The following GPC5 variants were observed in gnomAD, a reference collection of about 807,000 sequenced individuals.
GPC5 encodes the protein glypican 5.
A neutral mutation model predicts 53.9 loss-of-function variants in GPC5; 47 were observed. The ratio of observed to expected loss-of-function variants is 0.87; its 90% CI spans 0.69 to 1.11. GPC5 has a LOEUF of 1.11. GPC5 is among the 50% of genes most tolerant of loss of function. The pLI is 0.00. For synonymous variants in GPC5, 286 were observed against 263.3 expected (o/e 1.09, Z -0.84); for missense variants, 748 against 713.1 (o/e 1.05, Z -0.56).
chr13:92,399,646 C>A (rs143801122), intron 7 of GPC5, among the ~76,000 whole-genome samples: 1 of 152,300 alleles, frequency 6.6e-6, no homozygotes, highest in Non-Finnish European at 1.5e-5. Flanking sequence ...ATGTGCATTT[C>A]TCATTAGGCA....
chr13:91,665,637 A>G (rs1415270963), intron 2 of GPC5, among the ~76,000 whole-genome samples: 1 of 151,884 alleles, frequency 6.6e-6, no homozygotes, highest in African/African-American at 2.4e-5. Flanking sequence ...CAAGTAGCTG[A>G]GACTGCAGGC....
intron 7 of GPC5, among the ~76,000 whole-genome samples, chr13:92,851,887 CAAA>C (rs71202563): frequency 1.7e-5 from 1 of 59,198 alleles, no homozygotes; most frequent in Non-Finnish European, 3.4e-5. Flanking sequence ...GACTCCGTCT[CAAA>C]AAAAAAAAAA....
intron 2 of GPC5, among the ~76,000 whole-genome samples, chr13:91,550,794 GT>G (rs2030591873): frequency 6.6e-6 from 1 of 152,062 alleles, no homozygotes; most frequent in African/African-American, 2.4e-5. Context: ...CATGGGGGCA[GT>G]TTCCCCCATA....
At chr13:92,266,162 T>C (rs150303678) in intron 7 of GPC5, among the ~76,000 whole-genome samples, 1 of 152,316 alleles carries the variant, frequency 6.6e-6, no homozygotes, top group Non-Finnish European at 1.5e-5. Flanking sequence ...GGGACGCATT[T>C]AAAGCATAAC....
chr13:92,558,389 A>T (rs568999689), intron 7 of GPC5, among the ~76,000 whole-genome samples: 1 of 152,142 alleles, frequency 6.6e-6, no homozygotes, highest in South Asian at 2.1e-4. Context: ...TTATTTTGTA[A>T]TTTTTTTGCA....
At chr13:91,614,920 T>C (rs546728246) in intron 2 of GPC5, among the ~76,000 whole-genome samples, 1 of 152,308 alleles carries the variant, frequency 6.6e-6, no homozygotes, top group South Asian at 2.1e-4. Flanking sequence ...ATCTTCTCTT[T>C]TCAGTGTCCA....
chr13:91,401,841 A>G (rs1876976948), intron 1 of GPC5, among the ~76,000 whole-genome samples: 2 of 152,274 alleles, frequency 1.3e-5, no homozygotes, highest in South Asian at 4.1e-4. Context: ...TTTTAAGCCT[A>G]TTGAGCTCCT....
At chr13:91,843,521 C>T (rs1420628424) in intron 5 of GPC5, among the ~76,000 whole-genome samples, 1 of 152,042 alleles carries the variant, frequency 6.6e-6, no homozygotes, top group Non-Finnish European at 1.5e-5. Context: ...GGAAGCTTGG[C>T]AAAAACAGAG....
chr13:92,108,366 G>A (rs2041526607), intron 6 of GPC5, among the ~76,000 whole-genome samples: 1 of 152,118 alleles, frequency 6.6e-6, no homozygotes, highest in Non-Finnish European at 1.5e-5. Flanking sequence ...CATACTTCAA[G>A]TAATGCATTA....
At chr13:92,359,436 C>G (rs957484590) in intron 7 of GPC5, among the ~76,000 whole-genome samples, 1 of 151,624 alleles carries the variant, frequency 6.6e-6, no homozygotes, top group African/African-American at 2.4e-5. Flanking sequence ...CTGAGTCCTC[C>G]AAACTGTTCC....
chr13:92,287,400 T>C (rs12865374), intron 7 of GPC5, among the ~76,000 whole-genome samples: 13,004 of 152,212 alleles, frequency 0.085, 617 homozygotes, highest in Middle Eastern at 0.12. Flanking sequence ...TTTTCAAGCC[T>C]TCTATTGTCT....
At chr13:91,941,596 T>C (rs544367443) in intron 6 of GPC5, among the ~76,000 whole-genome samples, 1 of 152,218 alleles carries the variant, frequency 6.6e-6, no homozygotes, top group South Asian at 2.1e-4. Context: ...TCCCTCAAAA[T>C]CATGGGTATA....
chr13:91,845,269 G>C (rs186493421), intron 5 of GPC5, among the ~76,000 whole-genome samples: 3 of 151,526 alleles, frequency 2.0e-5, no homozygotes, highest in African/African-American at 7.3e-5. Flanking sequence ...ACACACAACT[G>C]TTAGATTTGC....
chr13:92,537,581 G>C (rs1405881970), intron 7 of GPC5, among the ~76,000 whole-genome samples: 1 of 152,064 alleles, frequency 6.6e-6, no homozygotes, highest in Non-Finnish European at 1.5e-5. Flanking sequence ...TCATCTCCCT[G>C]ATTGCCTAAT....
At chr13:91,637,235 AGT>A (rs1360116873) in intron 2 of GPC5, among the ~76,000 whole-genome samples, 2 of 152,112 alleles carry the variant, frequency 1.3e-5, no homozygotes, top group African/African-American at 4.8e-5. Flanking sequence ...GGCTGAGAAA[AGT>A]TTGTTAAAAT....
intron 7 of GPC5, among the ~76,000 whole-genome samples, chr13:92,267,754 A>G (rs907984086): frequency 5.6e-4 from 85 of 152,040 alleles, no homozygotes; most frequent in African/African-American, 2.0e-3. Flanking sequence ...ACACTTGTTC[A>G]TTTACACATT....
At chr13:92,218,449 A>G (rs2042426216) in intron 7 of GPC5, among the ~76,000 whole-genome samples, 1 of 152,202 alleles carries the variant, frequency 6.6e-6, no homozygotes, top group Non-Finnish European at 1.5e-5. Flanking sequence ...TAATTTTAAA[A>G]TTAAGAAAGA....
intron 5 of GPC5, among the ~76,000 whole-genome samples, chr13:91,905,620 G>T (rs1436528401): frequency 2.6e-5 from 4 of 151,978 alleles, no homozygotes; most frequent in Non-Finnish European, 5.9e-5. Context: ...CTGGTCACTG[G>T]AAGTATATTA....
At chr13:91,637,119 T>C (rs1594363269) in intron 2 of GPC5, among the ~76,000 whole-genome samples, 2 of 152,298 alleles carry the variant, frequency 1.3e-5, no homozygotes, top group South Asian at 2.1e-4. Context: ...AAATATATTG[T>C]AGAAAGGTTG....
Sources: allele counts gnomAD v4.1 joint callset (sites outside exome capture counted in the v4.1 genomes callset), GRCh38; gene constraint gnomAD v4.1.1; transcripts MANE v1.5; gene names NCBI Gene and HGNC (gene_info 2026-07-23, HGNC 2026-07-21).